The following BRINP3 variants were observed in gnomAD, a reference collection of about 807,000 sequenced individuals.
BRINP3 encodes the protein BMP/retinoic acid inducible neural specific 3, also known as BMP/retinoic acid-inducible neural-specific protein 3.
Under a neutral mutation model 71.0 loss-of-function variants are expected in BRINP3, and 19 were observed. The observed-to-expected ratio is 0.27, with a 90% CI of 0.19 to 0.39. The LOEUF is 0.39. BRINP3 is among the 10% of genes least tolerant of loss of function. BRINP3 has a pLI of 1.00. For missense variants in BRINP3, 959 were observed against 940.8 expected (o/e 1.02, Z -0.25); for synonymous variants, 380 against 337.7 (o/e 1.13, Z -1.37).
chr1:190,415,501 C>A (rs960291345), intron 2 of BRINP3, among the ~76,000 whole-genome samples: 1 of 152,088 alleles, frequency 6.6e-6, no homozygotes, highest in African/African-American at 2.4e-5. Flanking sequence ...ACAAACACAT[C>A]AGGGAACAAC....
chr1:190,436,699 C>T (rs534269493), intron 2 of BRINP3, among the ~76,000 whole-genome samples: 15 of 151,648 alleles, frequency 9.9e-5, no homozygotes, highest in Admixed American at 5.3e-4. Context: ...AGGAAATATG[C>T]CTGGTTGAAA....
At chr1:190,317,928 C>T (rs766532294) in intron 2 of BRINP3, among the ~76,000 whole-genome samples, 6 of 151,924 alleles carry the variant, frequency 3.9e-5, no homozygotes, top group Admixed American at 1.3e-4. Context: ...TGTTGATTTT[C>T]CTCTTTGACT....
intron 7 of BRINP3, among the ~76,000 whole-genome samples, chr1:190,108,163 A>T (rs1225166291): frequency 2.0e-5 from 3 of 152,028 alleles, no homozygotes; most frequent in African/African-American, 7.2e-5. Flanking sequence ...ATCGATCAAA[A>T]ATGTCACCCA....
chr1:190,219,295 G>T (rs1173173742), intron 6 of BRINP3, among the ~76,000 whole-genome samples: 1 of 152,038 alleles, frequency 6.6e-6, no homozygotes, highest in Non-Finnish European at 1.5e-5. Context: ...ATGCTGATTT[G>T]TGAGCTCTCT....
chr1:190,245,311 T>G (rs1659487225), intron 4 of BRINP3, among the ~76,000 whole-genome samples: 1 of 151,612 alleles, frequency 6.6e-6, no homozygotes, highest in Admixed American at 6.6e-5. Flanking sequence ...TCCAAATTCT[T>G]TAGGAACTTA....
At chr1:190,345,000 A>C (rs1216669437) in intron 2 of BRINP3, among the ~76,000 whole-genome samples, 3 of 151,508 alleles carry the variant, frequency 2.0e-5, no homozygotes, top group Non-Finnish European at 2.9e-5. Flanking sequence ...GTACATTGTC[A>C]AAAAAACTGT....
At chr1:190,299,055 T>A (rs1243543912) in intron 2 of BRINP3, among the ~76,000 whole-genome samples, 1 of 152,184 alleles carries the variant, frequency 6.6e-6, no homozygotes, top group Non-Finnish European at 1.5e-5. Flanking sequence ...TTATAGTAAG[T>A]GACTGTCTCT....
intron 2 of BRINP3, among the ~76,000 whole-genome samples, chr1:190,419,161 C>A (rs1361964582): frequency 6.6e-6 from 1 of 151,902 alleles, no homozygotes; most frequent in African/African-American, 2.4e-5. Context: ...TGATTGCATG[C>A]ATTCTTTTCA....
At chr1:190,364,060 TA>T (rs1669328910) in intron 2 of BRINP3, among the ~76,000 whole-genome samples, 1 of 63,836 alleles carries the variant, frequency 1.6e-5, no homozygotes, top group Non-Finnish European at 4.0e-5. Context: ...ATCTCCTTCT[TA>T]GAAAAAAAAA....
intron 2 of BRINP3, among the ~76,000 whole-genome samples, chr1:190,373,169 C>A (rs186977896): frequency 6.6e-6 from 1 of 152,116 alleles, no homozygotes; most frequent in East Asian, 1.9e-4. Context: ...GTGGGTTGAT[C>A]GCCTGAGGTC....
At chr1:190,312,089 T>C (rs1260626176) in intron 2 of BRINP3, among the ~76,000 whole-genome samples, 2 of 125,918 alleles carry the variant, frequency 1.6e-5, no homozygotes, top group South Asian at 2.6e-4. Flanking sequence ...ATTTCTAAGG[T>C]CACCTTGTAG....
At chr1:190,412,466 G>GTTTTTTTTTTTTTTTTTTTT (rs1216884351) in intron 2 of BRINP3, among the ~76,000 whole-genome samples, 1 of 105,982 alleles carries the variant, frequency 9.4e-6, no homozygotes, top group Non-Finnish European at 2.0e-5. Flanking sequence ...GTTTTTTTTT[G>GTTTTTTTTTTTTTTTTTTTT]TTTTTTTTTT....
chr1:190,241,393 A>G (rs1233541829), intron 4 of BRINP3, among the ~76,000 whole-genome samples: 1 of 152,096 alleles, frequency 6.6e-6, no homozygotes, highest in East Asian at 1.9e-4. Flanking sequence ...CATTCTAAAC[A>G]ACACACTGGC....
chr1:190,202,729 AG>A (rs941923860), intron 6 of BRINP3, among the ~76,000 whole-genome samples: 15 of 152,142 alleles, frequency 9.9e-5, no homozygotes, highest in African/African-American at 3.6e-4. Flanking sequence ...GTCTGAAAAA[AG>A]TCTAGTTTTG....
At chr1:190,139,463 A>G (rs1655250211) in intron 7 of BRINP3, among the ~76,000 whole-genome samples, 1 of 151,550 alleles carries the variant, frequency 6.6e-6, no homozygotes, top group Admixed American at 6.6e-5. Context: ...AAAAAAAAAA[A>G]AAAAAAAGAA....
chr1:190,146,561 G>A (rs937838321), intron 7 of BRINP3, among the ~76,000 whole-genome samples: 4 of 151,966 alleles, frequency 2.6e-5, no homozygotes, highest in African/African-American at 4.8e-5. Flanking sequence ...TTTAATAAAT[G>A]CTGAGACTTT....
intron 2 of BRINP3, among the ~76,000 whole-genome samples, chr1:190,414,992 GATTA>G (rs1277494564): frequency 2.0e-5 from 3 of 152,090 alleles, no homozygotes; most frequent in Non-Finnish European, 2.9e-5. Context: ...ACTATAAATA[GATTA>G]ATTAACTATT....
At chr1:190,122,958 G>A (rs1284138208) in intron 7 of BRINP3, among the ~76,000 whole-genome samples, 3 of 151,888 alleles carry the variant, frequency 2.0e-5, no homozygotes, top group African/African-American at 7.3e-5. Context: ...GGGAAACTGG[G>A]ATCACTTTTG....
At chr1:190,241,075 G>A (rs1302304640) in intron 4 of BRINP3, among the ~76,000 whole-genome samples, 2 of 151,596 alleles carry the variant, frequency 1.3e-5, no homozygotes, top group Admixed American at 6.6e-5. Context: ...ACAGTACTGG[G>A]CACATGGTAG....
Sources: allele counts gnomAD v4.1 joint callset (sites outside exome capture counted in the v4.1 genomes callset), GRCh38; gene constraint gnomAD v4.1.1; transcripts MANE v1.5; gene names NCBI Gene and HGNC (gene_info 2026-07-23, HGNC 2026-07-21).